DYNC1I1: variants seen among roughly 807,000 people sequenced by gnomAD.
DYNC1I1 encodes the protein cytoplasmic dynein 1 intermediate chain 1.
DYNC1I1 carries 43 observed loss-of-function variants against 86.6 expected under a neutral mutation model. The ratio of observed to expected loss-of-function variants is 0.50; its 90% CI spans 0.39 to 0.64. The LOEUF is 0.64. DYNC1I1 is among the 30% of genes least tolerant of loss of function. DYNC1I1 has a pLI of 0.00. For missense variants in DYNC1I1, 604 were observed against 788.8 expected, an observed-to-expected ratio of 0.77 and a Z score of 2.81; for synonymous variants, 262 against 283.7, an observed-to-expected ratio of 0.92 and a Z score of 0.77.
chr7:95,809,233 G>A (rs1415090623), intron 2 of DYNC1I1, among the ~76,000 whole-genome samples: 1 of 152,150 alleles, frequency 6.6e-6, no homozygotes, highest in Non-Finnish European at 1.5e-5. Flanking sequence ...TAATCAGTGT[G>A]TAGGTTACCC....
At chr7:95,979,872 T>TA (rs138476172) in intron 7 of DYNC1I1, among the ~76,000 whole-genome samples, 2 of 151,508 alleles carry the variant, frequency 1.3e-5, no homozygotes, top group South Asian at 2.1e-4. Context: ...AAACGTCTTT[T>TA]AAAAAAAAAG....
intron 14 of DYNC1I1, among the ~76,000 whole-genome samples, chr7:96,061,708 T>TCA (rs1489519108): frequency 5.5e-5 from 7 of 127,708 alleles, no homozygotes; most frequent in East Asian, 4.9e-4. Flanking sequence ...TCTCTCTCTC[T>TCA]CTCTCACACA....
rs536950532 is a variant in DYNC1I1, at chr7:96,088,172, A to ACTT, written c.1776+7685_1776+7687dup. The stretch of plus-strand genomic sequence containing the variant: ...AGGTAGCATTAGTATATGAAAATGG[A>ACTT]CTTATAGGATTAATATCTTCTCAAG... On this transcript the variant is annotated intron_variant, in intron 16 of 16. Coordinates refer to ENST00000447467, the MANE Select transcript of DYNC1I1 (RefSeq NM_001135556.2). 3.5e-3 allele frequency among the ~76,000 whole-genome samples: 533 copies of ACTT among 152,212 alleles called. 2 individuals are homozygous for ACTT. The highest frequency in any genetic ancestry group is 6.8e-3 in the Middle Eastern group (2 of 294).
intron 10 of DYNC1I1, among the ~76,000 whole-genome samples, chr7:96,007,299 C>A (rs1794164631): frequency 6.6e-6 from 1 of 152,114 alleles, no homozygotes; most frequent in African/African-American, 2.4e-5. Context: ...TTTACAAATT[C>A]TTAAACAATG....
intron 14 of DYNC1I1, among the ~76,000 whole-genome samples, chr7:96,072,663 A>C (rs1212911114): frequency 6.6e-6 from 1 of 152,216 alleles, no homozygotes; most frequent in Non-Finnish European, 1.5e-5. Context: ...GTATTCTAAA[A>C]TGAGTGGTAA....
intron 4 of DYNC1I1, among the ~76,000 whole-genome samples, chr7:95,818,265 C>T (rs1169887266): frequency 1.3e-5 from 2 of 149,258 alleles, no homozygotes; most frequent in East Asian, 3.9e-4. Context: ...ACTTTCCAAT[C>T]AATCAAGACA....
chr7:95,949,864 A>C (rs1792505404), intron 6 of DYNC1I1, among the ~76,000 whole-genome samples: 2 of 152,206 alleles, frequency 1.3e-5, no homozygotes, highest in Admixed American at 6.5e-5. Flanking sequence ...AGATGTACAG[A>C]GGTCTTCCAG....
chr7:95,838,490 T>A (rs1166962280), intron 5 of DYNC1I1, among the ~76,000 whole-genome samples: 1 of 152,222 alleles, frequency 6.6e-6, no homozygotes, highest in Non-Finnish European at 1.5e-5. Flanking sequence ...CTCTTGAGAA[T>A]ACCTTTCTAA....
intron 16 of DYNC1I1, among the ~76,000 whole-genome samples, chr7:96,086,930 T>C (rs2116297566): frequency 6.6e-6 from 1 of 152,264 alleles, no homozygotes; most frequent in South Asian, 2.1e-4. Flanking sequence ...AATAGTTTCA[T>C]AGCCAGCAAG....
At chr7:95,863,007 G>C (rs1031930546) in intron 5 of DYNC1I1, among the ~76,000 whole-genome samples, 4 of 151,838 alleles carry the variant, frequency 2.6e-5, no homozygotes, top group African/African-American at 9.7e-5. Context: ...GAATATTTTT[G>C]ATCAGCAGTT....
intron 1 of DYNC1I1, among the ~76,000 whole-genome samples, chr7:95,792,614 G>T (rs983026889): frequency 7.9e-5 from 12 of 152,120 alleles, no homozygotes; most frequent in African/African-American, 2.4e-5. Context: ...GTTTCTTTGG[G>T]TCTTCATTTC....
intron 6 of DYNC1I1, among the ~76,000 whole-genome samples, chr7:95,970,130 A>T (rs1793127641): frequency 1.3e-5 from 2 of 152,146 alleles, no homozygotes; most frequent in Admixed American, 6.6e-5. Flanking sequence ...TGGTCCAAGG[A>T]TAGGGTGGCT....
At chr7:95,932,881 T>TTA (rs1554413533) in intron 6 of DYNC1I1, among the ~76,000 whole-genome samples, 1 of 144,444 alleles carries the variant, frequency 6.9e-6, no homozygotes, top group African/African-American at 2.7e-5. Context: ...ATTTTTTAAT[T>TTA]TTTTTTTTTT....
chr7:96,047,414 T>C (rs1055593994), intron 14 of DYNC1I1, among the ~76,000 whole-genome samples: 1 of 152,200 alleles, frequency 6.6e-6, no homozygotes, highest in Admixed American at 6.5e-5. Context: ...AGGCTATGAA[T>C]GCAATCTTGG....
chr7:96,025,555 A>G (rs992235250), intron 10 of DYNC1I1, among the ~76,000 whole-genome samples: 2 of 152,176 alleles, frequency 1.3e-5, no homozygotes, highest in Admixed American at 1.3e-4. Flanking sequence ...TTTTAGCATT[A>G]ACTTGACTTT....
intron 10 of DYNC1I1, among the ~76,000 whole-genome samples, chr7:96,016,958 A>C (rs982236884): frequency 6.6e-6 from 1 of 152,180 alleles, no homozygotes; most frequent in Non-Finnish European, 1.5e-5. Context: ...TGGTTGGGTG[A>C]GCCATTCTCA....
chr7:96,053,382 A>G (rs1789464530), intron 14 of DYNC1I1, among the ~76,000 whole-genome samples: 1 of 152,098 alleles, frequency 6.6e-6, no homozygotes, highest in Non-Finnish European at 1.5e-5. Flanking sequence ...TGCTAGCTTT[A>G]TGTTTACTGG....
intron 6 of DYNC1I1, among the ~76,000 whole-genome samples, chr7:95,970,761 G>T (rs1171531612): frequency 6.6e-6 from 1 of 152,146 alleles, no homozygotes; most frequent in Admixed American, 6.5e-5. Context: ...AGGTCTTTGA[G>T]GGACATTTAC....
Position 96,046,005 on chromosome 7 carries a change from G to T in DYNC1I1, c.1509+6584G>T, listed in dbSNP as rs531984538. Among the ~76,000 whole-genome samples, 5 of 152,228 alleles carry T rather than the reference G, an allele frequency of 3.3e-5. No homozygotes were observed. In the East Asian group the frequency reaches 9.7e-4, roughly 29 times the overall value. ...AGAGGGAATTAAAACACATTACATT[G>T]CCCTCCCTCTACTCCCACAGCACCT... On this transcript the variant is annotated intron_variant, in intron 14 of 16. Transcript: ENST00000447467.
Sources: gnomAD v4.1 joint callset for allele counts (sites outside exome capture counted in the v4.1 genomes callset) on GRCh38, gnomAD v4.1.1 for gene constraint, MANE v1.5 for transcripts, NCBI Gene and HGNC (gene_info 2026-07-23, HGNC 2026-07-21) for gene names.